SULT4A1: variants seen among roughly 807,000 people sequenced by gnomAD.
SULT4A1 encodes the protein sulfotransferase family 4A member 1, also known as sulfotransferase 4A1.
In SULT4A1, 11 loss-of-function variants were observed where a neutral mutation model predicts 35.2. The observed-to-expected ratio is 0.31, with a 90% CI of 0.20 to 0.52. The LOEUF (loss-of-function observed/expected upper bound fraction) is 0.52. Among genes scored for constraint, SULT4A1 ranks in the 20% least tolerant of loss-of-function variants. The pLI is 0.97. For missense variants in SULT4A1, 271 were observed against 383.7 expected, an observed-to-expected ratio of 0.71 and a Z score of 2.45; for synonymous variants, 152 against 151.8, an observed-to-expected ratio of 1.00 and a Z score of -0.01.
intron 6 of SULT4A1, chr22:43,826,596 G>A: frequency 1.0e-6 from 1 of 985,342 alleles, no homozygotes; most frequent in Non-Finnish European, 1.2e-6. Flanking sequence ...TGCCACCAAG[G>A]CGTCATTGGC....
intron 4 of SULT4A1, among the ~76,000 whole-genome samples, chr22:43,834,016 T>A (rs2063345108): frequency 6.6e-6 from 1 of 152,168 alleles, no homozygotes; most frequent in Admixed American, 6.5e-5. Flanking sequence ...CAGTGCCCGT[T>A]ACTTTATCCG....
intron 2 of SULT4A1, among the ~76,000 whole-genome samples, chr22:43,841,566 C>G (rs916221199): frequency 6.6e-6 from 1 of 152,146 alleles, no homozygotes; most frequent in African/African-American, 2.4e-5. Context: ...CCTGTGCCCC[C>G]CAGGCATTGA....
At chr22:43,840,873 G>C (rs2063421551) in intron 2 of SULT4A1, among the ~76,000 whole-genome samples, 1 of 152,200 alleles carries the variant, frequency 6.6e-6, no homozygotes, top group Non-Finnish European at 1.5e-5. Context: ...TCGTGCCGTG[G>C]GGTCTTTGCT....
At chr22:43,851,812 C>T (rs985203606) in intron 1 of SULT4A1, among the ~76,000 whole-genome samples, 12 of 152,208 alleles carry the variant, frequency 7.9e-5, no homozygotes, top group Admixed American at 6.5e-4. Flanking sequence ...TGGTGACAGC[C>T]TCTAGTTTCC....
rs533811289 is a variant in SULT4A1, at chr22:43,859,296, G to T, written c.169+2918C>A. Among the ~76,000 whole-genome samples the T allele has an allele frequency of 4.5e-4, 68 of 152,344 alleles. 2 individuals are homozygous for T. In the South Asian group the frequency reaches 0.014, roughly 32 times the overall value. On this transcript the variant is annotated intron_variant, in intron 1 of 6. Transcript: ENST00000330884. ...TCTCATTTTTAATGAGCAAACTGAG[G>T]TTCAAAGAAACCAGGTGGCTCACCC...
At chr22:43,858,350 T>C (rs893971113) in intron 1 of SULT4A1, among the ~76,000 whole-genome samples, 1 of 152,134 alleles carries the variant, frequency 6.6e-6, no homozygotes, top group Non-Finnish European at 1.5e-5. Context: ...TGCAGGCTTT[T>C]GCCTCCCAGC....
At position 43,843,436 on chromosome 22, in the gene SULT4A1, A is replaced by T. The variant is rs185044643; in HGVS notation, c.170-1504T>A. 2.4e-3 allele frequency among the ~76,000 whole-genome samples: 364 copies of T among 152,282 alleles called. 5 individuals carry two copies. The highest frequency in any genetic ancestry group is 2.4e-3 in the Non-Finnish European group (160 of 68,024). ...GAATCTATCTCAAAAAACAAAAAGA[A>T]AAATTCTCTGACCTGCCTTTTCTGA... On this transcript the variant is annotated intron_variant, in intron 1 of 6. Coordinates refer to ENST00000330884, the MANE Select transcript of SULT4A1 (RefSeq NM_014351.4).
intron 5 of SULT4A1, 102 bp from the exon 6 acceptor site, chr22:43,829,300 CCTT>C: frequency 7.7e-7 from 1 of 1,302,352 alleles, no homozygotes; most frequent in Non-Finnish European, 1.0e-6. Context: ...TTACACACGG[CCTT>C]CCTTACTTAA....
chr22:43,828,686 C>T (rs2063305169), intron 6 of SULT4A1: 2 of 201,340 alleles, frequency 9.9e-6, no homozygotes, highest in African/African-American at 2.3e-5. Flanking sequence ...GCATGCTTTG[C>T]GCTTTGACAT....
At chr22:43,854,421 C>T (rs2049378813) in intron 1 of SULT4A1, among the ~76,000 whole-genome samples, 2 of 152,230 alleles carry the variant, frequency 1.3e-5, no homozygotes, top group South Asian at 4.1e-4. Flanking sequence ...TCAATCTGCA[C>T]ACACGGGGGA....
chr22:43,838,122 C>T (rs1052980077), intron 4 of SULT4A1, among the ~76,000 whole-genome samples: 7 of 152,242 alleles, frequency 4.6e-5, no homozygotes, highest in Non-Finnish European at 7.3e-5. Flanking sequence ...AACAGAACTG[C>T]ACTGAGGAGC....
At chr22:43,858,531 T>C (rs1397267348) in intron 1 of SULT4A1, among the ~76,000 whole-genome samples, 1 of 152,194 alleles carries the variant, frequency 6.6e-6, no homozygotes, top group Non-Finnish European at 1.5e-5. Context: ...TCAGTTCTTC[T>C]GGTACAAAAC....
intron 4 of SULT4A1, among the ~76,000 whole-genome samples, chr22:43,835,804 G>A (rs1413160961): frequency 1.3e-5 from 2 of 152,230 alleles, no homozygotes; most frequent in Admixed American, 6.5e-5. Context: ...GGGAAATAGT[G>A]TGAGGACTCT....
In SULT4A1 at chr22:43,852,637, C is replaced by T. The variant is rs146119293; in HGVS notation, c.169+9577G>A. Among the ~76,000 whole-genome samples, 89 of 152,208 alleles carry T rather than the reference C, an allele frequency of 5.8e-4. No homozygotes were observed. The East Asian group carries it at 0.014, about 24-fold the overall frequency. ...GAAAAGGTGAAGGACGTCTGTTAAA[C>T]GCCTGCTGCGGCCAGTCCTTGTCCC... On this transcript the variant is annotated intron_variant, in intron 1 of 6. Transcript: ENST00000330884.
intron 2 of SULT4A1, among the ~76,000 whole-genome samples, chr22:43,841,327 T>C (rs2063426570): frequency 6.6e-6 from 1 of 152,136 alleles, no homozygotes; most frequent in African/African-American, 2.4e-5. Context: ...GCTGCAGTTC[T>C]GGCCCATTCA....
At chr22:43,848,144 C>A (rs1311136120) in intron 1 of SULT4A1, among the ~76,000 whole-genome samples, 1 of 152,180 alleles carries the variant, frequency 6.6e-6, no homozygotes, top group Non-Finnish European at 1.5e-5. Context: ...AGGCTCCAGG[C>A]TGGCCCAGGA....
chr22:43,860,559 C>T (rs931362846), intron 1 of SULT4A1, among the ~76,000 whole-genome samples: 1 of 152,174 alleles, frequency 6.6e-6, no homozygotes, highest in Admixed American at 6.5e-5. Context: ...GGTCACTCTG[C>T]TGGTAAGCCG....
intron 1 of SULT4A1, among the ~76,000 whole-genome samples, chr22:43,849,984 G>A (rs1051621227): frequency 6.6e-6 from 1 of 152,298 alleles, no homozygotes; most frequent in South Asian, 2.1e-4. Context: ...AGGGTGGAAC[G>A]AAGGAGGTTT....
In SULT4A1 at chr22:43,842,000, C is replaced by T. The variant is rs1454429064; in HGVS notation, c.170-68G>A. On this transcript the variant is annotated intron_variant, in intron 1 of 6. Transcript: ENST00000330884. ...CACGCGCCCGGCCCTGTGCTCGGGTCAACACCTGCTGCCCAAGAAGGGGCT... is the reference window on the plus strand; with the variant it reads ...CACGCGCCCGGCCCTGTGCTCGGGTTAACACCTGCTGCCCAAGAAGGGGCT... The T allele has an allele frequency of 3.9e-6, 6 of 1,551,664 alleles. No homozygotes were observed. In the Admixed American group the frequency reaches 1.1e-4, roughly 29 times the overall value.
Sources: allele counts gnomAD v4.1 joint callset (sites outside exome capture counted in the v4.1 genomes callset), GRCh38; gene constraint gnomAD v4.1.1; transcripts MANE v1.5; gene names NCBI Gene and HGNC (gene_info 2026-07-23, HGNC 2026-07-21).